The following SEMA6A variants were observed in gnomAD, a reference collection of about 807,000 sequenced individuals.
The protein encoded by SEMA6A is semaphorin-6A.
SEMA6A carries 25 observed loss-of-function variants against 96.8 expected under a neutral mutation model. The observed-to-expected ratio is 0.26, with a 90% CI of 0.19 to 0.36. The LOEUF (loss-of-function observed/expected upper bound fraction) is 0.36. Among genes scored for constraint, SEMA6A ranks in the 10% least tolerant of loss-of-function variants. The pLI is 1.00. For missense variants in SEMA6A, 1,363 were observed against 1,323.1 expected (o/e 1.03, Z -0.47); for synonymous variants, 612 against 518.0 (o/e 1.18, Z -2.46).
chr5:116,457,608 AG>A (rs1755096761), intron 18 of SEMA6A, among the ~76,000 whole-genome samples: 1 of 152,186 alleles, frequency 6.6e-6, no homozygotes, highest in South Asian at 2.1e-4. Flanking sequence ...TAAGAGCTTA[AG>A]AAATATTAAT....
chr5:116,536,761 T>C (rs982678860), intron 1 of SEMA6A, among the ~76,000 whole-genome samples: 7 of 150,912 alleles, frequency 4.6e-5, no homozygotes, highest in Non-Finnish European at 8.8e-5. Flanking sequence ...CTTCAGGTAC[T>C]GCATTGTCCG....
At chr5:116,458,050 T>A (rs764459345) in intron 18 of SEMA6A, among the ~76,000 whole-genome samples, 1 of 152,100 alleles carries the variant, frequency 6.6e-6, no homozygotes, top group African/African-American at 2.4e-5. Context: ...GTGGACTAGT[T>A]TGTCTATGGA....
Position 116,486,865 on chromosome 5 carries a change from G to C in SEMA6A, c.846C>G (p.Asn282Lys). Residue 282 changes from asparagine (N) to lysine (K), a missense_variant, in exon 10 of 19, where the codon AAC becomes AAG. Around this residue, in one of 2 missense-constraint regions of SEMA6A, gnomAD observed 480 missense variants for 559.5 expected, o/e 0.86. Coordinates refer to ENST00000343348, the MANE Select transcript of SEMA6A (RefSeq NM_020796.5). ...AATGAGAGTCTCCAGGAACTGAGCA[G>C]TTCAAGCGCGCCTTCAGGAACGACG... ...QWTSFLKARL[N>K]CSVPGDSHFY... The C allele has an allele frequency of 6.2e-7, 1 of 1,613,866 alleles. No individual in the cohort carries two copies.
intron 3 of SEMA6A, chr5:116,498,879 A>C (rs1757739820): frequency 6.6e-6 from 1 of 152,194 alleles, no homozygotes; most frequent in African/African-American, 2.4e-5. Flanking sequence ...ATGAATTGTA[A>C]ATGAACAACT....
intron 1 of SEMA6A, among the ~76,000 whole-genome samples, chr5:116,526,239 T>A (rs1430611841): frequency 6.6e-6 from 1 of 152,278 alleles, no homozygotes; most frequent in Non-Finnish European, 1.5e-5. Flanking sequence ...CACTTTTCTA[T>A]CCTTTCCCTT....
At chr5:116,511,532 T>C (rs1481081725) in intron 1 of SEMA6A, among the ~76,000 whole-genome samples, 3 of 152,188 alleles carry the variant, frequency 2.0e-5, no homozygotes, top group Non-Finnish European at 4.4e-5. Flanking sequence ...AGAAAGGTGA[T>C]GGCATAAAAG....
At chr5:116,555,850 A>T (rs909650855) in intron 1 of SEMA6A, among the ~76,000 whole-genome samples, 16 of 152,152 alleles carry the variant, frequency 1.1e-4, no homozygotes, top group Admixed American at 9.2e-4. Context: ...ACATATTTTT[A>T]AAAAATCTAA....
At chr5:116,539,234 C>T (rs1759858490) in intron 1 of SEMA6A, among the ~76,000 whole-genome samples, 1 of 152,124 alleles carries the variant, frequency 6.6e-6, no homozygotes, top group Non-Finnish European at 1.5e-5. Context: ...ATACGGTGGT[C>T]CTGCTTCCTA....
chr5:116,470,361 C>T (rs1470395413), intron 17 of SEMA6A, among the ~76,000 whole-genome samples: 1 of 152,262 alleles, frequency 6.6e-6, no homozygotes, highest in African/African-American at 2.4e-5. Flanking sequence ...GATTTGGAAT[C>T]TATATTTTTG....
chr5:116,541,358 T>G (rs1401830879), intron 1 of SEMA6A, among the ~76,000 whole-genome samples: 4 of 152,198 alleles, frequency 2.6e-5, no homozygotes, highest in African/African-American at 9.7e-5. Flanking sequence ...ATTTTTTTCA[T>G]GTTTACTAAC....
At position 116,495,419 on chromosome 5, in the gene SEMA6A, G is replaced by A. The variant is rs1757543874; in HGVS notation, c.438C>T (p.Asn146=). 6.2e-7 allele frequency: 1 copy of A among 1,607,092 alleles called. No individual in the cohort carries two copies. ...GTNAFNPSCR[N]YKMDTLEPFG... ...ACCGACAAATAGCATTTACCTTATA[G>A]TTTCTGCAGGAAGGGTTGAAGGCAT... The change falls in exon 6 of 19, where the codon AAC becomes AAT. Residue 146 remains asparagine (N), a synonymous_variant. Coordinates refer to ENST00000343348, the MANE Select transcript of SEMA6A (RefSeq NM_020796.5).
chr5:116,487,058 A>G, intron 9 of SEMA6A, 92 bp from the exon 10 acceptor site: 4 of 864,266 alleles, frequency 4.6e-6, no homozygotes, highest in Non-Finnish European at 7.6e-6. Context: ...CAGAAACAAA[A>G]CAACAAGGTG....
chr5:116,468,928 A>G (rs1755933595), intron 17 of SEMA6A: 2 of 151,708 alleles, frequency 1.3e-5, no homozygotes, highest in Non-Finnish European at 2.9e-5. Context: ...AGAAAGACAG[A>G]TTAAAAGAAT....
intron 1 of SEMA6A, among the ~76,000 whole-genome samples, chr5:116,555,053 A>C (rs1760557267): frequency 6.6e-6 from 1 of 152,188 alleles, no homozygotes; most frequent in African/African-American, 2.4e-5. Context: ...TACCAAATGA[A>C]CACAATCCTC....
chr5:116,455,253 C>A, intron 18 of SEMA6A, among the ~76,000 whole-genome samples: 1 of 152,136 alleles, frequency 6.6e-6, no homozygotes, highest in East Asian at 1.9e-4. Context: ...AGCCAGAGCA[C>A]GGGCTGATGT....
chr5:116,505,162 C>T (rs1758085188), intron 1 of SEMA6A, among the ~76,000 whole-genome samples, 180 bp from the exon 2 acceptor site: 1 of 152,082 alleles, frequency 6.6e-6, no homozygotes, highest in Non-Finnish European at 1.5e-5. Flanking sequence ...TACCTCCTTC[C>T]CCACGCATCT....
rs570858728 is a variant in SEMA6A, at chr5:116,571,584, AG to A, written c.-39+2600del. 5.6e-3 allele frequency among the ~76,000 whole-genome samples: 854 copies of A among 152,354 alleles called. 18 individuals carry two copies. Among genetic ancestry groups the A allele is most frequent in the East Asian group, 0.043 (221 of 5,192 alleles). On this transcript the variant is annotated intron_variant, in intron 1 of 18. Transcript: ENST00000343348. The stretch of plus-strand genomic sequence containing the variant: ...AACGTCCCAAAACCAAAATAATAAC[AG>A]GGAGTAAGGGTTACTCAAGATTCAA...
At chr5:116,567,450 G>A (rs1044359357) in intron 1 of SEMA6A, among the ~76,000 whole-genome samples, 12 of 151,924 alleles carry the variant, frequency 7.9e-5, no homozygotes, top group African/African-American at 1.7e-4. Flanking sequence ...GACATTTTTC[G>A]TAACTACTGT....
chr5:116,447,539 G>C lies in SEMA6A; in HGVS notation c.2167C>G (p.Leu723Val). The C allele has an allele frequency of 6.2e-7, 1 of 1,614,076 alleles. No individual in the cohort carries two copies. The highest frequency in any genetic ancestry group is 8.5e-7 in the Non-Finnish European group (1 of 1,179,914). The change falls in exon 19 of 19, where the codon CTC (leucine) becomes GTC (valine). Residue 723 changes from leucine to valine, a missense_variant. Leu to Val is a conservative substitution (Grantham distance 32). This residue lies in a region of SEMA6A where 883 missense variants were observed against 763.6 expected (regional missense o/e 1.16). Transcript: ENST00000343348. Reference protein sequence around the residue: ...QSKDPKPEAILTPLMHNGKLA... With the variant: ...QSKDPKPEAIVTPLMHNGKLA... ...TTGCCGTTGTGCATGAGTGGCGTGA[G>C]GATGGCCTCCGGCTTTGGGTCTTTG...
Sources: allele counts gnomAD v4.1 joint callset (sites outside exome capture counted in the v4.1 genomes callset), GRCh38; gene constraint gnomAD v4.1.1; regional missense constraint gnomAD v4.1.1; transcripts MANE v1.5; gene names NCBI Gene and HGNC (gene_info 2026-07-23, HGNC 2026-07-21).